Variants in SORBS2 observed in about 807,000 individuals in gnomAD.
The protein encoded by SORBS2 is sorbin and SH3 domain-containing protein 2.
SORBS2 carries 46 observed loss-of-function variants against 97.7 expected under a neutral mutation model. The ratio of observed to expected loss-of-function variants is 0.47; its 90% CI spans 0.37 to 0.60. SORBS2 has a LOEUF of 0.60. Ranked by LOEUF, SORBS2 falls within the 20% of genes least tolerant of loss-of-function variation. The pLI, the probability that SORBS2 is intolerant of heterozygous loss-of-function variation, is 0.00. For synonymous variants in SORBS2, 476 were observed against 473.4 expected (o/e 1.01, Z -0.07); for missense variants, 1,316 against 1,282.3 (o/e 1.03, Z -0.40).
intron 2 of SORBS2, among the ~76,000 whole-genome samples, chr4:185,762,033 C>T (rs899722973): frequency 2.0e-5 from 3 of 152,086 alleles, no homozygotes; most frequent in African/African-American, 7.2e-5. Context: ...ACACGGAAGG[C>T]AGAGAGAATG....
chr4:185,893,090 G>A (rs938693940), intron 1 of SORBS2, among the ~76,000 whole-genome samples: 1 of 152,158 alleles, frequency 6.6e-6, no homozygotes, highest in Admixed American at 6.5e-5. Context: ...ATTTTCTAAG[G>A]ATGCTAGCTG....
At chr4:185,909,814 A>G (rs547908019) in intron 1 of SORBS2, among the ~76,000 whole-genome samples, 1 of 152,122 alleles carries the variant, frequency 6.6e-6, no homozygotes, top group South Asian at 2.1e-4. Flanking sequence ...ACAAAGAGAA[A>G]TATTATTCAA....
At chr4:185,815,184 T>C (rs916272091) in intron 1 of SORBS2, among the ~76,000 whole-genome samples, 1 of 152,216 alleles carries the variant, frequency 6.6e-6, no homozygotes, top group African/African-American at 2.4e-5. Flanking sequence ...TTTGAATGTG[T>C]GTTTCTCTAA....
chr4:185,601,779 C>T (rs780827332), intron 12 of SORBS2, among the ~76,000 whole-genome samples: 3 of 151,880 alleles, frequency 2.0e-5, no homozygotes, highest in Non-Finnish European at 4.4e-5. Context: ...AAAATCAGGG[C>T]CTGATTTCAT....
rs761960110 is a variant in SORBS2 at position 185,638,208 on chromosome 4, A to G, written c.397-7610T>C. The G allele has an allele frequency of 2.6e-6, 3 of 1,134,504 alleles. No individual in the cohort carries two copies. In the South Asian group the frequency reaches 3.7e-5, roughly 14 times the overall value. 70.3% of individuals were successfully genotyped at this position (1,134,504 alleles called of 1,614,324 possible). On this transcript the variant is annotated intron_variant, in intron 4 of 14. Coordinates refer to ENST00000418609, the Ensembl canonical transcript of SORBS2. Reference sequence around the variant, plus strand: ...AAGGGAAGGAAAAGGCACACTGAGCAAAGTGAGGGAAACGCTGTGTGGCAT... The same window carrying G: ...AAGGGAAGGAAAAGGCACACTGAGCGAAGTGAGGGAAACGCTGTGTGGCAT...
intron 1 of SORBS2, among the ~76,000 whole-genome samples, chr4:185,778,845 A>G (rs1206036829): frequency 6.8e-6 from 1 of 146,206 alleles, no homozygotes; most frequent in African/African-American, 2.5e-5. Flanking sequence ...TAACTCTACA[A>G]TTGTTAGAAC....
intron 4 of SORBS2, 151 bp downstream of exon 14, chr4:185,638,726 G>C: frequency 1.6e-6 from 1 of 627,952 alleles, no homozygotes; most frequent in Non-Finnish European, 2.5e-6. Flanking sequence ...GCATTGGGGG[G>C]CTCTCAGGGG....
At chr4:185,948,902 T>G (rs1026791585) in intron 1 of SORBS2, among the ~76,000 whole-genome samples, 2 of 151,900 alleles carry the variant, frequency 1.3e-5, no homozygotes, top group African/African-American at 4.8e-5. Context: ...TCTCGTAAGG[T>G]GAAAGGTGAT....
intron 1 of SORBS2, among the ~76,000 whole-genome samples, chr4:185,900,756 G>GGAGA (rs979492211): frequency 3.9e-5 from 6 of 151,978 alleles, no homozygotes; most frequent in South Asian, 2.1e-4. Flanking sequence ...CGTATGAGTG[G>GGAGA]GAGAGAGAGA....
intron 1 of SORBS2, among the ~76,000 whole-genome samples, chr4:185,893,482 T>C (rs1042730854): frequency 6.6e-6 from 1 of 152,216 alleles, no homozygotes; most frequent in African/African-American, 2.4e-5. Flanking sequence ...ACCTCACTCA[T>C]GGATGTTAAA....
exon 10 of SORBS2, chr4:185,615,051 G>A (rs141002836): frequency 7.3e-5 from 117 of 1,612,862 alleles, no homozygotes; most frequent in African/African-American, 1.9e-4. Context: ...CTACCTCTAC[G>A]TATGAGATCG....
intron 2 of SORBS2, chr4:185,771,763 C>G (rs1438039170): frequency 6.6e-6 from 1 of 152,078 alleles, no homozygotes; most frequent in African/African-American, 2.4e-5. Flanking sequence ...TTTAGTGAGG[C>G]CACACATTCA....
intron 1 of SORBS2, among the ~76,000 whole-genome samples, chr4:185,857,388 A>G (rs2099221093): frequency 6.6e-6 from 1 of 152,122 alleles, no homozygotes; most frequent in Non-Finnish European, 1.5e-5. Flanking sequence ...TAAGCTGAGG[A>G]TGTATGTCAC....
chr4:185,706,980 A>C (rs2098353120), intron 2 of SORBS2, among the ~76,000 whole-genome samples: 1 of 152,126 alleles, frequency 6.6e-6, no homozygotes, highest in African/African-American at 2.4e-5. Context: ...ACGTATGTAC[A>C]TGTTTCTTAA....
At chr4:185,624,164 C>A in exon 7 of SORBS2, 1 of 1,614,234 alleles carries the variant, frequency 6.2e-7, no homozygotes, top group South Asian at 1.1e-5. Flanking sequence ...CGCCATGGGG[C>A]AGCTCTCCTT....
chr4:185,587,728 A>G (rs1453403143), intron 14 of SORBS2, 40 bp from the exon 27 acceptor site: 72 of 1,459,184 alleles, frequency 4.9e-5, no homozygotes, highest in Non-Finnish European at 6.5e-5. Context: ...GGTGACAACG[A>G]TATCAGTTCA....
chr4:185,858,571 G>C (rs2099221966), intron 1 of SORBS2, among the ~76,000 whole-genome samples: 1 of 152,140 alleles, frequency 6.6e-6, no homozygotes, highest in South Asian at 2.1e-4. Context: ...CTTTCCACCA[G>C]GTGCCTTTTA....
At chr4:185,744,152 CT>C (rs1206597665) in intron 2 of SORBS2, among the ~76,000 whole-genome samples, 1 of 150,102 alleles carries the variant, frequency 6.7e-6, no homozygotes, top group Non-Finnish European at 1.5e-5. Flanking sequence ...TCCCTTCTCT[CT>C]TTTTTTGTTA....
At chr4:185,644,004 CT>C (rs778749624) in intron 4 of SORBS2, among the ~76,000 whole-genome samples, 23 of 152,094 alleles carry the variant, frequency 1.5e-4, no homozygotes, top group Non-Finnish European at 1.6e-4. Context: ...CCACTTGGCT[CT>C]TTTTGTTTTC....
Sources: allele counts gnomAD v4.1 joint callset (sites outside exome capture counted in the v4.1 genomes callset), GRCh38; gene constraint gnomAD v4.1.1; transcripts MANE v1.5; gene names NCBI Gene and HGNC (gene_info 2026-07-23, HGNC 2026-07-21).